SETBP1: variants seen among roughly 807,000 people sequenced by gnomAD.
The protein encoded by SETBP1 is SET binding protein 1.
Under a neutral mutation model 101.0 loss-of-function variants are expected in SETBP1, and 9 were observed. That is an observed-to-expected ratio of 0.09 (90% CI 0.05 to 0.16). The LOEUF (loss-of-function observed/expected upper bound fraction) is 0.16, where lower values mean the gene tolerates loss of function less well. Among genes scored for constraint, SETBP1 ranks in the 10% least tolerant of loss-of-function variants. The probability of loss-of-function intolerance (pLI) is 1.00; values close to 1 mark genes in which losing one functional copy is unlikely to be tolerated. For missense variants in SETBP1, 1,858 were observed against 2,033.8 expected (o/e 0.91, Z 1.66); for synonymous variants, 818 against 788.5 (o/e 1.04, Z -0.63).
intron 2 of SETBP1, among the ~76,000 whole-genome samples, chr18:44,826,759 G>A (rs934934408): frequency 1.1e-4 from 16 of 152,172 alleles, no homozygotes; most frequent in Non-Finnish European, 1.9e-4. Flanking sequence ...GGAGCTGCGG[G>A]TGGGGAGGAG....
chr18:44,892,495 G>A (rs939748395), intron 3 of SETBP1, among the ~76,000 whole-genome samples: 2 of 152,130 alleles, frequency 1.3e-5, no homozygotes, highest in Non-Finnish European at 2.9e-5. Flanking sequence ...TTGAATTTTA[G>A]CTCTAAAATA....
In SETBP1 at chr18:44,898,519, T is replaced by G. The variant is rs969897774; in HGVS notation, c.540+29236T>G. Among the ~76,000 whole-genome samples the G allele has an allele frequency of 2.0e-4, 30 of 152,238 alleles. No individual in the cohort carries two copies. In the South Asian group the frequency reaches 5.8e-3, roughly 29 times the overall value. On this transcript the variant is annotated intron_variant, in intron 3 of 5. Transcript: ENST00000649279. Reference sequence around the variant, plus strand: ...TGATGGAGGGCTTCCAGATGTGTATTTTCAAATGCTAGCTGGAAGACAATT... The same window carrying G: ...TGATGGAGGGCTTCCAGATGTGTATGTTCAAATGCTAGCTGGAAGACAATT...
At chr18:44,902,643 TAA>T (rs1393497150) in intron 3 of SETBP1, among the ~76,000 whole-genome samples, 1 of 152,162 alleles carries the variant, frequency 6.6e-6, no homozygotes, top group African/African-American at 2.4e-5. Context: ...TGTGAATATA[TAA>T]GATATGTTTT....
chr18:44,920,953 G>A (rs1057060413), intron 3 of SETBP1, among the ~76,000 whole-genome samples: 1 of 152,122 alleles, frequency 6.6e-6, no homozygotes, highest in South Asian at 2.1e-4. Context: ...ATAATTACAG[G>A]AATATGGTGT....
chr18:44,715,322 G>C (rs187572799), intron 2 of SETBP1, among the ~76,000 whole-genome samples: 4 of 152,014 alleles, frequency 2.6e-5, no homozygotes, highest in African/African-American at 9.7e-5. Context: ...GCAGTGAGGC[G>C]TGGTACGAAG....
chr18:44,714,233 C>G (rs1416715833), intron 2 of SETBP1, among the ~76,000 whole-genome samples: 2 of 151,950 alleles, frequency 1.3e-5, no homozygotes, highest in African/African-American at 4.8e-5. Context: ...GAGTCTTGCT[C>G]TGTCACCCAG....
rs1320611727 is a variant in SETBP1 at position 45,066,648 on chromosome 18, A to G, written c.*2950A>G. On this transcript the variant is annotated 3_prime_UTR_variant, in exon 6 of 6. Transcript: ENST00000649279. ...GATCGTGGAGGTCTCTGGCCCCCCA[A>G]CACTGCCTTCTGGGGGCTGCATTTT... 2 of 148,020 alleles carry G rather than the reference A, an allele frequency of 1.4e-5. No individual in the cohort carries two copies. The allele number at this position is 148,020 out of a possible 1,614,324, so 9.2% of individuals were successfully genotyped here. A position where few individuals can be genotyped will look rare whatever the true frequency, so the allele number is the denominator to read the frequency against.
chr18:44,982,325 C>T (rs746113215), intron 4 of SETBP1, among the ~76,000 whole-genome samples: 2 of 152,252 alleles, frequency 1.3e-5, no homozygotes, highest in African/African-American at 4.8e-5. Flanking sequence ...GGAAGATCCA[C>T]ACACCTTGGC....
chr18:44,745,000 C>G lies in SETBP1; in HGVS notation c.486+43168C>G, dbSNP rs540874800. Among the ~76,000 whole-genome samples, 245 of 152,170 alleles carry G rather than the reference C, an allele frequency of 1.6e-3. 3 individuals carry two copies. The highest frequency in any genetic ancestry group is 3.4e-3 in the Middle Eastern group (1 of 294). On this transcript the variant is annotated intron_variant, in intron 2 of 5. Coordinates refer to ENST00000649279, the MANE Select transcript of SETBP1 (RefSeq NM_015559.3). ...GTCTGGGGCTGGCGGGCAGGCTGTC[C>G]GGCTGCAAGCTGGGCCTCCCTTTGT... is the stretch of plus-strand genomic sequence containing the variant.
intron 2 of SETBP1, among the ~76,000 whole-genome samples, chr18:44,777,177 C>T (rs1460938480): frequency 6.6e-6 from 1 of 152,088 alleles, no homozygotes; most frequent in Non-Finnish European, 1.5e-5. Context: ...ATTAGCTGGA[C>T]ATGGTGGTGT....
At chr18:44,846,941 A>C (rs374230494) in intron 2 of SETBP1, among the ~76,000 whole-genome samples, 18 of 152,298 alleles carry the variant, frequency 1.2e-4, no homozygotes, top group East Asian at 1.2e-3. Context: ...TGAGGCTGGG[A>C]GTGCATGAAA....
chr18:44,899,060 G>C (rs555060114), intron 3 of SETBP1, among the ~76,000 whole-genome samples: 1 of 152,262 alleles, frequency 6.6e-6, no homozygotes, highest in African/African-American at 2.4e-5. Context: ...GGTCCTCCAT[G>C]AATTTTTAAG....
Position 45,067,216 on chromosome 18 carries a change from A to G in SETBP1, c.*3518A>G, listed in dbSNP as rs1407560066. ...TTGTGTTCTGCGCATTGCTGGGTCTATAAATATGATAAGCAAGTGGTGACA... is the reference window on the plus strand; with the variant it reads ...TTGTGTTCTGCGCATTGCTGGGTCTGTAAATATGATAAGCAAGTGGTGACA... On this transcript the variant is annotated 3_prime_UTR_variant, in exon 6 of 6. Transcript: ENST00000649279. 6.6e-6 allele frequency: 1 copy of G among 152,236 alleles called. No individual in the cohort carries two copies. The allele number at this position is 152,236 out of a possible 1,614,324, so 9.4% of individuals were successfully genotyped here.
rs578199394 is a variant in SETBP1, at chr18:44,970,037, A to G, written c.4000+16697A>G. 1.9e-5 allele frequency: 3 copies of G among 154,940 alleles called. No homozygotes were observed. In the South Asian group the frequency reaches 6.1e-4, roughly 31 times the overall value. 9.6% of individuals were successfully genotyped at this position (154,940 alleles called of 1,614,324 possible). ...ATCTGGTTATTTTGGCTGCTCCGTG[A>G]TAGTGACATATTTTTCAAAATACAT... On this transcript the variant is annotated intron_variant, in intron 4 of 5. Coordinates refer to ENST00000649279, the MANE Select transcript of SETBP1 (RefSeq NM_015559.3).
chr18:45,021,961 G>A (rs2145421944), intron 4 of SETBP1, among the ~76,000 whole-genome samples: 1 of 152,294 alleles, frequency 6.6e-6, no homozygotes, highest in South Asian at 2.1e-4. Context: ...GGGAAGGCAA[G>A]TCGGAATTAT....
chr18:44,772,107 G>GC (rs1475582180), intron 2 of SETBP1, among the ~76,000 whole-genome samples: 2 of 150,712 alleles, frequency 1.3e-5, no homozygotes, highest in African/African-American at 4.9e-5. Context: ...CCTCTCCCCC[G>GC]CCCCAGCCTC....
At chr18:44,861,449 G>C (rs1356977016) in intron 2 of SETBP1, among the ~76,000 whole-genome samples, 1 of 151,450 alleles carries the variant, frequency 6.6e-6, no homozygotes, top group Non-Finnish European at 1.5e-5. Context: ...AGCCAGGATG[G>C]TCTCAATCTC....
intron 2 of SETBP1, among the ~76,000 whole-genome samples, chr18:44,805,231 C>G (rs144372086): frequency 6.2e-4 from 95 of 152,196 alleles, no homozygotes; most frequent in African/African-American, 2.3e-3. Flanking sequence ...GTTTAAGACT[C>G]CAAGTAATTA....
chr18:45,045,562 C>T (rs540273801), intron 5 of SETBP1, among the ~76,000 whole-genome samples: 17 of 151,786 alleles, frequency 1.1e-4, no homozygotes, highest in Admixed American at 2.0e-4. Flanking sequence ...TTCCATTTGC[C>T]TTGTTTCTAA....
Sources: gnomAD v4.1 joint callset for allele counts (sites outside exome capture counted in the v4.1 genomes callset) on GRCh38, gnomAD v4.1.1 for gene constraint, MANE v1.5 for transcripts, NCBI Gene and HGNC (gene_info 2026-07-23, HGNC 2026-07-21) for gene names.